The following NOL4L variants were observed in gnomAD, a reference collection of about 807,000 sequenced individuals.
NOL4L encodes the protein nucleolar protein 4 like, also known as nucleolar protein 4-like.
A neutral mutation model predicts 64.5 loss-of-function variants in NOL4L; 7 were observed. The ratio of observed to expected loss-of-function variants is 0.11; its 90% CI spans 0.06 to 0.20. The LOEUF (loss-of-function observed/expected upper bound fraction) is 0.20, where lower values mean the gene tolerates loss of function less well. NOL4L is among the 10% of genes least tolerant of loss of function. NOL4L has a pLI of 1.00. For missense variants in NOL4L, 680 were observed against 967.1 expected, an observed-to-expected ratio of 0.70 and a Z score of 3.94; for synonymous variants, 413 against 401.0, an observed-to-expected ratio of 1.03 and a Z score of -0.36.
chr20:32,571,681 G>A (rs1294453805), intron 1 of NOL4L, among the ~76,000 whole-genome samples: 1 of 152,116 alleles, frequency 6.6e-6, no homozygotes, highest in Admixed American at 6.5e-5. Context: ...AGCCACCAAG[G>A]CACTCTCTCC....
chr20:32,505,448 C>T (rs763763874), intron 4 of NOL4L, among the ~76,000 whole-genome samples: 10 of 152,012 alleles, frequency 6.6e-5, no homozygotes, highest in South Asian at 2.1e-4. Flanking sequence ...GTTGGTCAGG[C>T]GCAATAGCAC....
Position 32,447,770 on chromosome 20 carries a change from G to A in NOL4L, c.1869C>T (p.Thr623=). 2 of 1,586,490 alleles carry A rather than the reference G, an allele frequency of 1.3e-6. No homozygotes were observed. Among genetic ancestry groups the A allele is most frequent in the Non-Finnish European group, 1.7e-6 (2 of 1,162,922 alleles). Residue 623 remains threonine, a synonymous_variant, in exon 11 of 11, where the codon ACC becomes ACT. Coordinates refer to ENST00000621426, the MANE Select transcript of NOL4L (RefSeq NM_001256798.2). ...TGCTGGAGGGGGTGGGCGTGGGGGT[G>A]GTGGAGGTGGTAGAGGCCCCGCCTT... ...SMKGGASTTS[T]TPTPTPSSTS... is the part of the protein sequence containing the mutation.
In NOL4L at chr20:32,464,003, C is replaced by A. The variant is rs1466969554; in HGVS notation, c.842-7608G>T. On this transcript the variant is annotated intron_variant, in intron 5 of 10. Transcript: ENST00000621426. This position sits in a 1 kb window ranked among gnomAD's most constrained non-coding sequence, Gnocchi z 5.6. ...CAGTGCCGCCTCCATGAGACTCTGT[C>A]ACAGCAGCAGCCAGGCGGGGGATGG... is the stretch of plus-strand genomic sequence containing the variant. Among the ~76,000 whole-genome samples, 1 of 152,026 alleles carries A rather than the reference C, an allele frequency of 6.6e-6. No individual in the cohort carries two copies. The highest frequency in any genetic ancestry group is 6.5e-5 in the Admixed American group (1 of 15,278).
intron 1 of NOL4L, among the ~76,000 whole-genome samples, chr20:32,554,551 C>T (rs1481904829): frequency 6.6e-6 from 1 of 151,968 alleles, no homozygotes; most frequent in East Asian, 1.9e-4. Context: ...CTTTCCTTCC[C>T]AAATATCATA....
intron 4 of NOL4L, among the ~76,000 whole-genome samples, chr20:32,505,462 T>C (rs293562): frequency 0.13 from 19,722 of 152,184 alleles, 1,851 homozygotes; most frequent in African/African-American, 0.26. Flanking sequence ...ATAGCACACA[T>C]GCCTGTAATC....
intron 1 of NOL4L, among the ~76,000 whole-genome samples, chr20:32,539,482 G>A (rs1437299743): frequency 5.3e-5 from 8 of 152,142 alleles, no homozygotes; most frequent in African/African-American, 1.9e-4. Context: ...AGGATCTCAA[G>A]GTCAGCTGTG....
At chr20:32,475,702 A>G (rs1452713076) in intron 4 of NOL4L, among the ~76,000 whole-genome samples, 1 of 152,000 alleles carries the variant, frequency 6.6e-6, no homozygotes, top group Non-Finnish European at 1.5e-5. Context: ...GCCTCCCCCC[A>G]GCAAGACACA....
intron 1 of NOL4L, among the ~76,000 whole-genome samples, chr20:32,562,350 C>T (rs992022032): frequency 3.5e-4 from 54 of 152,326 alleles, no homozygotes; most frequent in Middle Eastern, 3.4e-3. Context: ...CAGACCTCAA[C>T]GCCGCCTGCC....
chr20:32,577,931 A>G (rs1980215563), intron 1 of NOL4L, among the ~76,000 whole-genome samples: 1 of 152,074 alleles, frequency 6.6e-6, no homozygotes, highest in South Asian at 2.1e-4. Flanking sequence ...ATCACATAGC[A>G]GCTAACATTT....
chr20:32,510,004 C>G, intron 4 of NOL4L: 1 of 1,206,198 alleles, frequency 8.3e-7, no homozygotes, highest in African/African-American at 1.6e-5. Context: ...AATGCAGAGG[C>G]TGCACAGTGG....
chr20:32,549,433 G>A (rs2018770616), intron 1 of NOL4L, among the ~76,000 whole-genome samples: 2 of 152,090 alleles, frequency 1.3e-5, no homozygotes. Flanking sequence ...CACCCACTAG[G>A]ATGGCTCTAA....
At chr20:32,508,276 G>A (rs1010201101) in intron 4 of NOL4L, among the ~76,000 whole-genome samples, 8 of 152,194 alleles carry the variant, frequency 5.3e-5, no homozygotes, top group Non-Finnish European at 1.2e-4. Flanking sequence ...TGCCTTTGCT[G>A]CACAGGAAAT....
At chr20:32,551,522 A>G (rs1287222710) in intron 1 of NOL4L, among the ~76,000 whole-genome samples, 2 of 152,140 alleles carry the variant, frequency 1.3e-5, no homozygotes, top group Non-Finnish European at 2.9e-5. Context: ...TACAACATGG[A>G]TGAACCCCGA....
chr20:32,549,356 A>T (rs2018769736), intron 1 of NOL4L, among the ~76,000 whole-genome samples: 1 of 152,224 alleles, frequency 6.6e-6, no homozygotes, highest in Non-Finnish European at 1.5e-5. Context: ...TAAGCACATG[A>T]AAAGATACTC....
chr20:32,509,984 G>A (rs897035741), intron 4 of NOL4L: 11 of 1,282,088 alleles, frequency 8.6e-6, no homozygotes, highest in African/African-American at 6.1e-5. Context: ...GTGGCAGTGA[G>A]AGGAGACCTA....
intron 4 of NOL4L, chr20:32,509,918 G>C: frequency 7.7e-7 from 1 of 1,304,296 alleles, no homozygotes; most frequent in Non-Finnish European, 1.0e-6. Context: ...TACGAAGCCA[G>C]GTGCCGGAGA....
intron 1 of NOL4L, among the ~76,000 whole-genome samples, chr20:32,538,007 G>T (rs2018580376): frequency 6.6e-6 from 1 of 152,116 alleles, no homozygotes; most frequent in Non-Finnish European, 1.5e-5. Context: ...TCGAACTCCT[G>T]GCCTCAAGTG....
chr20:32,528,651 C>A (rs771556452), intron 1 of NOL4L, among the ~76,000 whole-genome samples: 1 of 151,968 alleles, frequency 6.6e-6, no homozygotes, highest in African/African-American at 2.4e-5. Flanking sequence ...GTGGGGCTGA[C>A]GCCTGCCCTC....
intron 1 of NOL4L, among the ~76,000 whole-genome samples, chr20:32,563,155 T>G (rs866649349): frequency 0.13 from 15 of 112 alleles, no homozygotes; most frequent in African/African-American, 0.21. Flanking sequence ...GAGAGTGGAG[T>G]GCAGGGAGGG....
Sources: gnomAD v4.1 joint callset for allele counts (sites outside exome capture counted in the v4.1 genomes callset) on GRCh38, gnomAD v4.1.1 for gene constraint, Gnocchi (gnomAD v3.1) non-coding constraint, MANE v1.5 for transcripts, NCBI Gene and HGNC (gene_info 2026-07-23, HGNC 2026-07-21) for gene names.